ADCY8: variants seen among roughly 807,000 people sequenced by gnomAD.
ADCY8 encodes adenylate cyclase 8, also known as adenylate cyclase type 8.
ADCY8 carries 51 observed loss-of-function variants against 119.7 expected under a neutral mutation model. The ratio of observed to expected loss-of-function variants is 0.43; its 90% CI spans 0.34 to 0.54. ADCY8 has a LOEUF of 0.54. Ranked by LOEUF, ADCY8 falls within the 20% of genes least tolerant of loss-of-function variation. The pLI, the probability that ADCY8 is intolerant of heterozygous loss-of-function variation, is 0.03. For missense variants in ADCY8, 1,383 were observed against 1,598.8 expected, an observed-to-expected ratio of 0.87 and a Z score of 2.30; for synonymous variants, 665 against 651.0, an observed-to-expected ratio of 1.02 and a Z score of -0.33.
At chr8:130,846,929 T>C (rs1187416918) in intron 11 of ADCY8, among the ~76,000 whole-genome samples, 2 of 133,744 alleles carry the variant, frequency 1.5e-5, no homozygotes, top group African/African-American at 5.5e-5. Flanking sequence ...CCTTCCTTCC[T>C]TCCTTCCTTC....
At chr8:130,939,950 C>T (rs1820908004) in intron 4 of ADCY8, among the ~76,000 whole-genome samples, 1 of 152,182 alleles carries the variant, frequency 6.6e-6, no homozygotes, top group South Asian at 2.1e-4. Flanking sequence ...AGCTAGCTAA[C>T]AGTAACAACC....
intron 8 of ADCY8, among the ~76,000 whole-genome samples, chr8:130,869,942 T>C (rs10090182): frequency 0.39 from 49,963 of 128,440 alleles, 9,631 homozygotes; most frequent in East Asian, 0.6. Flanking sequence ...CCTCCTCCTC[T>C]TCTTCTTCTT....
chr8:130,940,063 G>C (rs146107344), intron 4 of ADCY8, among the ~76,000 whole-genome samples: 1 of 152,330 alleles, frequency 6.6e-6, no homozygotes, highest in Non-Finnish European at 1.5e-5. Flanking sequence ...GGAGCTAATA[G>C]TCATTGAGCA....
chr8:130,968,525 G>GA (rs956661055), intron 2 of ADCY8, among the ~76,000 whole-genome samples: 1 of 152,062 alleles, frequency 6.6e-6, no homozygotes. Context: ...CAATGGCAGT[G>GA]AAAAAAACAG....
chr8:131,026,713 T>G (rs574672100), intron 1 of ADCY8, among the ~76,000 whole-genome samples: 12 of 152,320 alleles, frequency 7.9e-5, no homozygotes, highest in Middle Eastern at 3.4e-3. Flanking sequence ...ATGCAGGGGT[T>G]AAGCCAGGTG....
At chr8:131,017,896 C>T (rs1005334186) in intron 1 of ADCY8, among the ~76,000 whole-genome samples, 1 of 151,942 alleles carries the variant, frequency 6.6e-6, no homozygotes, top group South Asian at 2.1e-4. Context: ...AGTTAAGAAA[C>T]CTTTCGGACC....
intron 2 of ADCY8, among the ~76,000 whole-genome samples, chr8:130,968,928 G>A (rs1468435187): frequency 6.6e-6 from 1 of 152,038 alleles, no homozygotes; most frequent in East Asian, 1.9e-4. Context: ...CACATCTTAG[G>A]GCTTAAAGAC....
intron 1 of ADCY8, among the ~76,000 whole-genome samples, chr8:131,016,849 A>C (rs1198457183): frequency 6.6e-6 from 1 of 152,126 alleles, no homozygotes; most frequent in Non-Finnish European, 1.5e-5. Context: ...CTTCTGTTCA[A>C]GAGTTATCCC....
At chr8:131,017,128 G>T (rs533043537) in intron 1 of ADCY8, among the ~76,000 whole-genome samples, 1 of 151,464 alleles carries the variant, frequency 6.6e-6, no homozygotes, top group East Asian at 1.9e-4. Context: ...GGAGTGCAGC[G>T]GCATGATCTC....
intron 5 of ADCY8, among the ~76,000 whole-genome samples, chr8:130,919,660 G>A (rs1230467446): frequency 6.6e-6 from 1 of 152,174 alleles, no homozygotes; most frequent in African/African-American, 2.4e-5. Context: ...TTAACAGTTG[G>A]CTTTTGCAAA....
chr8:130,919,824 C>A (rs757490966), intron 5 of ADCY8, among the ~76,000 whole-genome samples: 5 of 152,144 alleles, frequency 3.3e-5, no homozygotes, highest in Admixed American at 1.3e-4. Flanking sequence ...GCCCTTACTC[C>A]TCTGTGCTTT....
chr8:130,974,581 G>T (rs920395253), intron 2 of ADCY8, among the ~76,000 whole-genome samples: 5 of 152,094 alleles, frequency 3.3e-5, no homozygotes, highest in African/African-American at 1.2e-4. Flanking sequence ...TTTTATATAT[G>T]CCTGTATGCC....
chr8:131,037,645 G>A (rs1442369722), intron 1 of ADCY8, among the ~76,000 whole-genome samples: 1 of 152,006 alleles, frequency 6.6e-6, no homozygotes, highest in Non-Finnish European at 1.5e-5. Flanking sequence ...AAAAGAGAAG[G>A]CAAAGAGAAG....
intron 9 of ADCY8, 111 bp from the exon 10 acceptor site, chr8:130,849,914 G>T: frequency 9.3e-7 from 1 of 1,079,594 alleles, no homozygotes; most frequent in Non-Finnish European, 1.3e-6. Flanking sequence ...TTCTTTGAAA[G>T]TTCTGTTTGT....
chr8:131,033,963 A>T lies in ADCY8; in HGVS notation c.960+5411T>A, dbSNP rs150868973. Among the ~76,000 whole-genome samples, 1,150 of 152,198 alleles carry T rather than the reference A, an allele frequency of 7.6e-3. 7 individuals carry two copies. The highest frequency in any genetic ancestry group is 0.027 in the African/African-American group (1,112 of 41,516). On this transcript the variant is annotated intron_variant, in intron 1 of 17. Transcript: ENST00000286355. Reference sequence around the variant, plus strand: ...AGGCATTTTTCTCAGACATGCTGGAAAGCCGACATTATTTTTTTAAAGCCT... The same window carrying T: ...AGGCATTTTTCTCAGACATGCTGGATAGCCGACATTATTTTTTTAAAGCCT...
At chr8:130,999,228 G>T (rs1363354689) in intron 1 of ADCY8, among the ~76,000 whole-genome samples, 1 of 152,066 alleles carries the variant, frequency 6.6e-6, no homozygotes, top group Non-Finnish European at 1.5e-5. Context: ...CACCTCTTTG[G>T]TCCAGTTTTG....
At chr8:131,016,091 T>C (rs1823466138) in intron 1 of ADCY8, among the ~76,000 whole-genome samples, 1 of 151,970 alleles carries the variant, frequency 6.6e-6, no homozygotes, top group African/African-American at 2.4e-5. Context: ...CCTGCTTTGC[T>C]AGCAGGAGCA....
At chr8:130,896,101 T>A (rs1382191038) in intron 7 of ADCY8, among the ~76,000 whole-genome samples, 2 of 152,164 alleles carry the variant, frequency 1.3e-5, no homozygotes, top group African/African-American at 4.8e-5. Flanking sequence ...CCTGTAGATC[T>A]CAGCTTAAGG....
At chr8:131,029,108 G>A (rs918566609) in intron 1 of ADCY8, among the ~76,000 whole-genome samples, 1 of 152,170 alleles carries the variant, frequency 6.6e-6, no homozygotes, top group African/African-American at 2.4e-5. Flanking sequence ...AGTTGCCAGT[G>A]GTGGCATTAG....
Sources: allele counts gnomAD v4.1 joint callset (sites outside exome capture counted in the v4.1 genomes callset), GRCh38; gene constraint gnomAD v4.1.1; transcripts MANE v1.5; gene names NCBI Gene and HGNC (gene_info 2026-07-23, HGNC 2026-07-21).